RAB8B: variants seen among roughly 807,000 people sequenced by gnomAD.
The protein encoded by RAB8B is RAB8B, member RAS oncogene family.
A neutral mutation model predicts 32.0 loss-of-function variants in RAB8B; 11 were observed. The ratio of observed to expected loss-of-function variants is 0.34; its 90% confidence interval spans 0.22 to 0.57. RAB8B has a LOEUF of 0.57. Among genes scored for constraint, RAB8B ranks in the 20% least tolerant of loss-of-function variants. The pLI, the probability that RAB8B is intolerant of heterozygous loss-of-function variation, is 0.86. For missense variants in RAB8B, 190 were observed against 258.5 expected (o/e 0.73, Z 1.82); for synonymous variants, 103 against 89.6 (o/e 1.15, Z -0.85).
intron 1 of RAB8B, among the ~76,000 whole-genome samples, chr15:63,234,002 C>T (rs2037957223): frequency 1.3e-5 from 2 of 152,070 alleles, no homozygotes; most frequent in African/African-American, 4.8e-5. Context: ...CTCATGACTG[C>T]AGCCAAATTA....
At chr15:63,191,743 A>T (rs996127685) in intron 1 of RAB8B, among the ~76,000 whole-genome samples, 3 of 152,116 alleles carry the variant, frequency 2.0e-5, no homozygotes, top group East Asian at 1.9e-4. Flanking sequence ...AAGTAAGTGA[A>T]TCTCGCTGAT....
intron 1 of RAB8B, among the ~76,000 whole-genome samples, chr15:63,240,196 G>C (rs923403268): frequency 6.6e-6 from 1 of 152,196 alleles, no homozygotes; most frequent in African/African-American, 2.4e-5. Flanking sequence ...TTACCACAGG[G>C]ATTGTTGCAA....
chr15:63,235,727 TA>T (rs902428128), intron 1 of RAB8B, among the ~76,000 whole-genome samples: 2 of 151,598 alleles, frequency 1.3e-5, no homozygotes, highest in African/African-American at 4.8e-5. Context: ...GCATTTTAAA[TA>T]TTTTTTTCAG....
At chr15:63,191,617 T>C (rs2037556575) in intron 1 of RAB8B, among the ~76,000 whole-genome samples, 1 of 152,242 alleles carries the variant, frequency 6.6e-6, no homozygotes, top group Non-Finnish European at 1.5e-5. Context: ...ATAACAATTT[T>C]TCATTGTTGA....
Position 63,194,512 on chromosome 15 carries a change from C to T in RAB8B, c.124+4764C>T, listed in dbSNP as rs772968229. On this transcript the variant is annotated intron_variant, in intron 1 of 7. Transcript: ENST00000321437. ...TGGAGTTTATACTGGAATAACTCAG[C>T]GCATAGCTGTCCTTTGCCCTTTCTG... Among the ~76,000 whole-genome samples, 96 of 152,294 alleles carry T rather than the reference C, an allele frequency of 6.3e-4. 1 individual carries two copies. Among genetic ancestry groups the T allele is most frequent in the African/African-American group, 2.2e-3 (91 of 41,564 alleles).
At chr15:63,208,163 C>A (rs1039016957) in intron 1 of RAB8B, among the ~76,000 whole-genome samples, 1 of 152,180 alleles carries the variant, frequency 6.6e-6, no homozygotes, top group African/African-American at 2.4e-5. Context: ...ATTCCAAACT[C>A]CCTACAGTGT....
chr15:63,219,406 C>G (rs1407135076), intron 1 of RAB8B, among the ~76,000 whole-genome samples: 1 of 151,166 alleles, frequency 6.6e-6, no homozygotes, highest in Non-Finnish European at 1.5e-5. Flanking sequence ...GGGTTGCAAC[C>G]CATTACTGGG....
intron 1 of RAB8B, among the ~76,000 whole-genome samples, chr15:63,215,461 G>A (rs887315887): frequency 3.9e-5 from 6 of 152,216 alleles, no homozygotes; most frequent in African/African-American, 7.2e-5. Context: ...ACCAGTTAAC[G>A]CTGTATCTTT....
At position 63,259,583 on chromosome 15, in the gene RAB8B, C is replaced by A; in HGVS notation, c.415-44C>A. The A allele has an allele frequency of 1.3e-6, 2 of 1,526,742 alleles. No homozygotes were observed. Among genetic ancestry groups the A allele is most frequent in the South Asian group, 2.3e-5 (2 of 88,830 alleles). 94.6% of individuals were successfully genotyped at this position (1,526,742 alleles called of 1,614,324 possible). A position where few individuals can be genotyped will look rare whatever the true frequency, so the allele number is the denominator to read the frequency against. On this transcript the variant is annotated intron_variant, in intron 5 of 7. Transcript: ENST00000321437. The surrounding 1 kb of genome is among the most constrained non-coding windows in gnomAD (Gnocchi z 4.4). ...AAGAAATACAAATGCATTATGTGTT[C>A]AAGTATCTTTTGCTAAATTTAAATA...
At chr15:63,222,256 C>G (rs2037850747) in intron 1 of RAB8B, among the ~76,000 whole-genome samples, 1 of 152,222 alleles carries the variant, frequency 6.6e-6, no homozygotes, top group Admixed American at 6.5e-5. Context: ...ACACCATCTC[C>G]TCCTTTTGTC....
intron 1 of RAB8B, among the ~76,000 whole-genome samples, chr15:63,202,463 T>C (rs191106344): frequency 4.6e-5 from 7 of 152,320 alleles, no homozygotes; most frequent in Admixed American, 3.9e-4. Flanking sequence ...TCCCGGTTTC[T>C]AACTCAGGCC....
At chr15:63,192,369 C>A (rs930965214) in intron 1 of RAB8B, among the ~76,000 whole-genome samples, 1 of 152,222 alleles carries the variant, frequency 6.6e-6, no homozygotes, top group Non-Finnish European at 1.5e-5. Context: ...CAGCCACTCC[C>A]TCCATGCCCC....
At position 63,234,204 on chromosome 15, in the gene RAB8B, G is replaced by A. The variant is rs139470828; in HGVS notation, c.125-10552G>A. Among the ~76,000 whole-genome samples the A allele has an allele frequency of 2.2e-4, 34 of 152,272 alleles. No individual in the cohort carries two copies. In the East Asian group the frequency reaches 6.2e-3, roughly 28 times the overall value. ...ACCGGCCAAAATGCATCAAGTCACA[G>A]CTTATGCTGAAGGTCAGGAGAACTA... On this transcript the variant is annotated intron_variant, in intron 1 of 7. Transcript: ENST00000321437.
At chr15:63,256,402 TTA>T in intron 4 of RAB8B, 101 bp from the exon 5 acceptor site, 1 of 803,564 alleles carries the variant, frequency 1.2e-6, no homozygotes, top group Non-Finnish European at 2.0e-6. Context: ...GAGTAAAAGA[TTA>T]TGTCTTATTA....
In RAB8B at chr15:63,224,449, A is replaced by G. The variant is rs115827148; in HGVS notation, c.125-20307A>G. Among the ~76,000 whole-genome samples, 849 of 152,300 alleles carry G rather than the reference A, an allele frequency of 5.6e-3. 7 individuals are homozygous for G. Among genetic ancestry groups the G allele is most frequent in the African/African-American group, 0.018 (758 of 41,554 alleles). ...TGTCACAGTCCCTGTCACATAGGCT[A>G]ACATGGGATGGATTTCAATCATATG... is the stretch of plus-strand genomic sequence containing the variant. On this transcript the variant is annotated intron_variant, in intron 1 of 7. Coordinates refer to ENST00000321437, the MANE Select transcript of RAB8B (RefSeq NM_016530.3).
intron 1 of RAB8B, among the ~76,000 whole-genome samples, chr15:63,223,522 G>A (rs1308138048): frequency 1.3e-5 from 2 of 152,194 alleles, no homozygotes; most frequent in Non-Finnish European, 2.9e-5. Context: ...ATTTGGTACA[G>A]TAGCATACTA....
At chr15:63,252,812 G>A (rs994357541) in intron 3 of RAB8B, among the ~76,000 whole-genome samples, 6 of 149,580 alleles carry the variant, frequency 4.0e-5, no homozygotes, top group Admixed American at 3.3e-4. Flanking sequence ...GCAATGGCAC[G>A]ATCTCGGCTC....
chr15:63,193,339 A>T (rs1476921648), intron 1 of RAB8B, among the ~76,000 whole-genome samples: 1 of 152,178 alleles, frequency 6.6e-6, no homozygotes, highest in Non-Finnish European at 1.5e-5. Flanking sequence ...ATTTTCTTGT[A>T]TCTGACTTTT....
chr15:63,240,169 T>G (rs910991776), intron 1 of RAB8B, among the ~76,000 whole-genome samples: 26 of 152,100 alleles, frequency 1.7e-4, no homozygotes, highest in Non-Finnish European at 4.4e-5. Flanking sequence ...CACGGCTTCT[T>G]AAATAGTGCA....
Sources: allele counts gnomAD v4.1 joint callset (sites outside exome capture counted in the v4.1 genomes callset), GRCh38; gene constraint gnomAD v4.1.1; non-coding constraint Gnocchi (gnomAD v3.1); transcripts MANE v1.5; gene names NCBI Gene and HGNC (gene_info 2026-07-23, HGNC 2026-07-21).